CNTNAP3: variants seen among roughly 807,000 people sequenced by gnomAD.
CNTNAP3 encodes the protein contactin associated protein family member 3, also known as contactin-associated protein-like 3.
CNTNAP3 carries 36 observed loss-of-function variants against 92.1 expected under a neutral mutation model. The observed-to-expected ratio is 0.39, with a 90% CI of 0.30 to 0.52. The LOEUF (loss-of-function observed/expected upper bound fraction) is 0.52, where lower values mean the gene tolerates loss of function less well. CNTNAP3 is among the 20% of genes least tolerant of loss of function. The pLI is 0.76. For synonymous variants in CNTNAP3, 232 were observed against 422.3 expected (o/e 0.55, Z 5.53); for missense variants, 534 against 1,069.6 (o/e 0.50, Z 6.98).
In CNTNAP3 at chr9:39,069,718, G is replaced by T. The variant is rs1204546124; in HGVS notation, c.*4172C>A. Among the ~76,000 whole-genome samples, 1 of 152,310 alleles carries T rather than the reference G, an allele frequency of 6.6e-6. No individual in the cohort carries two copies. The highest frequency in any genetic ancestry group is 2.4e-5 in the African/African-American group (1 of 41,488). Reference sequence around the variant, plus strand: ...GGCAACTTTATGTAACCTTCTTAAGGTTACATTTGCACTTAAGTATACCAA... The same window carrying T: ...GGCAACTTTATGTAACCTTCTTAAGTTTACATTTGCACTTAAGTATACCAA... On this transcript the variant is annotated 3_prime_UTR_variant, in exon 24 of 24. Transcript: ENST00000297668.
chr9:39,097,636 AC>A (rs1353414810), intron 18 of CNTNAP3, among the ~76,000 whole-genome samples: 1 of 150,902 alleles, frequency 6.6e-6, no homozygotes, highest in Non-Finnish European at 1.5e-5. Flanking sequence ...AAATGCTGGC[AC>A]CCAATCTTGG....
At chr9:39,217,360 A>G (rs1461195711) in intron 3 of CNTNAP3, among the ~76,000 whole-genome samples, 2 of 8,620 alleles carry the variant, frequency 2.3e-4, no homozygotes, top group African/African-American at 4.2e-4. Context: ...TTACATGAGT[A>G]TATATATATA....
intron 10 of CNTNAP3, among the ~76,000 whole-genome samples, chr9:39,146,796 T>G (rs1473512787): frequency 2.6e-5 from 4 of 152,198 alleles, no homozygotes; most frequent in Non-Finnish European, 5.9e-5. Context: ...TAGCTTAAAA[T>G]TTTGACTAAA....
rs934400146 is a variant in CNTNAP3, at chr9:39,103,587, C to T, written c.2536+157G>A. 8.5e-5 allele frequency: 79 copies of T among 933,938 alleles called. No homozygotes were observed. In the African/African-American group the frequency reaches 1.2e-3, roughly 14 times the overall value. 57.9% of individuals were successfully genotyped at this position (933,938 alleles called of 1,614,324 possible). A position where few individuals can be genotyped will look rare whatever the true frequency, so the allele number is the denominator to read the frequency against. Reference sequence around the variant, plus strand: ...ACACAGCAAAATCCTCTCTCCCTCTCTCAAAAAAAAAAAAATTACCTAAAA... The same window carrying T: ...ACACAGCAAAATCCTCTCTCCCTCTTTCAAAAAAAAAAAAATTACCTAAAA... On this transcript the variant is annotated intron_variant, in intron 16 of 23. Transcript: ENST00000297668.
intron 9 of CNTNAP3, chr9:39,159,497 T>G (rs983208848): frequency 1.5e-4 from 19 of 130,108 alleles, no homozygotes; most frequent in South Asian, 2.4e-4. Flanking sequence ...TAAATTTTTT[T>G]TGTGTGTGTA....
At chr9:39,093,680 T>C (rs1826262971) in intron 18 of CNTNAP3, among the ~76,000 whole-genome samples, 1 of 151,584 alleles carries the variant, frequency 6.6e-6, no homozygotes, top group African/African-American at 2.4e-5. Flanking sequence ...TCAATTAATG[T>C]TGTATCATGT....
intron 16 of CNTNAP3, among the ~76,000 whole-genome samples, chr9:39,102,975 T>G (rs1826501505): frequency 6.6e-6 from 1 of 151,986 alleles, no homozygotes; most frequent in South Asian, 2.1e-4. Flanking sequence ...TACCCATAGC[T>G]GGACTACCCA....
At chr9:39,116,318 C>A (rs1395170343) in intron 14 of CNTNAP3, among the ~76,000 whole-genome samples, 4 of 152,048 alleles carry the variant, frequency 2.6e-5, no homozygotes, top group African/African-American at 9.7e-5. Flanking sequence ...TTCTGAACAG[C>A]CAGGAGCTGG....
chr9:39,086,907 T>G (rs941359071), intron 19 of CNTNAP3, 58 bp from the exon 20 acceptor site: 1 of 1,115,894 alleles, frequency 9.0e-7, no homozygotes. Context: ...AAACTCTTGA[T>G]ACAGATTCTA....
At chr9:39,122,578 GACACC>G (rs1821056042) in intron 13 of CNTNAP3, among the ~76,000 whole-genome samples, 1 of 152,204 alleles carries the variant, frequency 6.6e-6, no homozygotes, top group Admixed American at 6.5e-5. Flanking sequence ...TTTGGCCTCT[GACACC>G]ACAGTTATGC....
chr9:39,123,541 G>C (rs1821087182), intron 13 of CNTNAP3, among the ~76,000 whole-genome samples: 2 of 152,092 alleles, frequency 1.3e-5, no homozygotes, highest in East Asian at 3.9e-4. Context: ...TGAAACCATA[G>C]GTTCAGGAAT....
intron 13 of CNTNAP3, among the ~76,000 whole-genome samples, chr9:39,122,632 T>C (rs1354987081): frequency 1.3e-5 from 2 of 152,148 alleles, no homozygotes; most frequent in Non-Finnish European, 2.9e-5. Flanking sequence ...TAGATAAACA[T>C]AAAACCTTAC....
intron 13 of CNTNAP3, among the ~76,000 whole-genome samples, chr9:39,123,146 G>C (rs1821075042): frequency 1.4e-5 from 2 of 147,904 alleles, no homozygotes; most frequent in African/African-American, 5.1e-5. Flanking sequence ...CCAGGCTGGA[G>C]TGCAGTGGTG....
intron 10 of CNTNAP3, among the ~76,000 whole-genome samples, chr9:39,146,781 T>C (rs1008228785): frequency 1.3e-5 from 2 of 152,228 alleles, no homozygotes; most frequent in Non-Finnish European, 1.5e-5. Context: ...TTGCTATTTT[T>C]TGTGTAGCTT....
chr9:39,132,229 T>C (rs1463242260), intron 13 of CNTNAP3, among the ~76,000 whole-genome samples: 3 of 152,114 alleles, frequency 2.0e-5, no homozygotes, highest in Admixed American at 6.5e-5. Context: ...AGAAACTATA[T>C]GGAAACTGTT....
In CNTNAP3 at chr9:39,157,485, G is replaced by A. The variant is rs534399319; in HGVS notation, c.1478-7508C>T. ...CTCCTGAGAAGCTGGGACTACAGGC[G>A]CCCACCACCATGCCCAGCTAATTTT... is the stretch of plus-strand genomic sequence containing the variant. On this transcript the variant is annotated intron_variant, in intron 9 of 23. Transcript: ENST00000297668. Among the ~76,000 whole-genome samples the A allele has an allele frequency of 7.1e-5, 8 of 112,072 alleles. 1 individual carries two copies. The highest frequency in any genetic ancestry group is 9.9e-5 in the Non-Finnish European group (5 of 50,456). The allele number at this position is 112,072 out of a possible 152,430, so 73.5% of individuals were successfully genotyped here.
At chr9:39,128,587 A>G (rs1330715960) in intron 13 of CNTNAP3, among the ~76,000 whole-genome samples, 3 of 152,048 alleles carry the variant, frequency 2.0e-5, no homozygotes, top group African/African-American at 7.2e-5. Flanking sequence ...CATAGGAAAC[A>G]AGAATGAATG....
intron 10 of CNTNAP3, among the ~76,000 whole-genome samples, chr9:39,146,637 C>T (rs1415427622): frequency 1.3e-5 from 2 of 152,032 alleles, no homozygotes; most frequent in African/African-American, 2.4e-5. Context: ...TGCAGTGAGC[C>T]GAGATCGTGC....
chr9:39,255,661 G>A (rs550766093), intron 2 of CNTNAP3, among the ~76,000 whole-genome samples: 1,995 of 60,676 alleles, frequency 0.033, 470 homozygotes, highest in African/African-American at 0.062. Flanking sequence ...AAGTTCAGTA[G>A]CATTAAGTAC....
Sources: gnomAD v4.1 joint callset for allele counts (sites outside exome capture counted in the v4.1 genomes callset) on GRCh38, gnomAD v4.1.1 for gene constraint, MANE v1.5 for transcripts, NCBI Gene and HGNC (gene_info 2026-07-23, HGNC 2026-07-21) for gene names.